ADGRL3: variants seen among roughly 807,000 people sequenced by gnomAD.
ADGRL3 encodes adhesion G protein-coupled receptor L3, also known as calcium-independent alpha-latrotoxin receptor 3.
ADGRL3 carries 62 observed loss-of-function variants against 153.5 expected under a neutral mutation model. That is an observed-to-expected ratio of 0.40 (90% CI 0.33 to 0.50). The LOEUF (loss-of-function observed/expected upper bound fraction) is 0.50, where lower values mean the gene tolerates loss of function less well. ADGRL3 is among the 20% of genes least tolerant of loss of function. ADGRL3 has a pLI of 0.47. For synonymous variants in ADGRL3, 710 were observed against 672.5 expected (o/e 1.06, Z -0.86); for missense variants, 1,641 against 1,859.4 (o/e 0.88, Z 2.16).
intron 8 of ADGRL3, among the ~76,000 whole-genome samples, chr4:61,744,811 T>C (rs866020743): frequency 7.9e-5 from 12 of 152,058 alleles, no homozygotes; most frequent in Middle Eastern, 3.4e-3. Context: ...AGAGCACCTC[T>C]CCCCCTCCAA....
intron 4 of ADGRL3, among the ~76,000 whole-genome samples, chr4:61,526,768 AATAAATAAATAC>A (rs911301086): frequency 7.2e-5 from 11 of 152,068 alleles, no homozygotes; most frequent in Non-Finnish European, 1.6e-4. Flanking sequence ...TACCTCAAAA[AATAAATAAATAC>A]ATAAATAAAT....
intron 1 of ADGRL3, among the ~76,000 whole-genome samples, chr4:61,304,418 A>G (rs1050837662): frequency 2.6e-5 from 4 of 152,216 alleles, no homozygotes; most frequent in Non-Finnish European, 4.4e-5. Flanking sequence ...TTATGCTACT[A>G]AAAAACAAGC....
rs1051137106 is a variant in ADGRL3 at position 61,294,807 on chromosome 4, C to T, written c.-239-88317C>T. Among the ~76,000 whole-genome samples the T allele has an allele frequency of 2.6e-5, 4 of 151,818 alleles. No individual in the cohort carries two copies. In the East Asian group the frequency reaches 7.7e-4, roughly 29 times the overall value. ...GGAACTGTTATTTGGATCTGTCAGCCATTGTTTAATATTAGTATTTAATAT... is the reference window on the plus strand; with the variant it reads ...GGAACTGTTATTTGGATCTGTCAGCTATTGTTTAATATTAGTATTTAATAT... On this transcript the variant is annotated intron_variant, in intron 1 of 26. Coordinates refer to ENST00000683033, the MANE Select transcript of ADGRL3 (RefSeq NM_001387552.1).
At position 61,754,954 on chromosome 4, in the gene ADGRL3, A is replaced by AT. The variant is rs551375262; in HGVS notation, c.1399+21406dup. ...TCCCTACAAAGGACATGAACTCATC[A>AT]TTTTTTATGGCTGCATAGTATTCCA... On this transcript the variant is annotated intron_variant, in intron 8 of 26. Transcript: ENST00000683033. Among the ~76,000 whole-genome samples the AT allele has an allele frequency of 7.2e-5, 11 of 152,216 alleles. No individual in the cohort carries two copies. The South Asian group carries it at 2.1e-3, about 29-fold the overall frequency.
At chr4:61,355,720 C>G (rs1257174439) in intron 1 of ADGRL3, among the ~76,000 whole-genome samples, 1 of 152,074 alleles carries the variant, frequency 6.6e-6, no homozygotes, top group Non-Finnish European at 1.5e-5. Context: ...AGTTGTTGAA[C>G]ATTTCACCTC....
chr4:61,480,187 C>T (rs2098117015), intron 2 of ADGRL3, among the ~76,000 whole-genome samples: 1 of 152,156 alleles, frequency 6.6e-6, no homozygotes, highest in Non-Finnish European at 1.5e-5. Flanking sequence ...CTCTCCATCT[C>T]CTCCTTCTCC....
At chr4:61,897,949 G>A (rs527966245) in intron 11 of ADGRL3, among the ~76,000 whole-genome samples, 2 of 152,254 alleles carry the variant, frequency 1.3e-5, no homozygotes, top group South Asian at 4.1e-4. Flanking sequence ...CCAGATCAAA[G>A]GAGTGACCAA....
chr4:61,833,553 G>A (rs955275539), intron 9 of ADGRL3, among the ~76,000 whole-genome samples: 3 of 152,050 alleles, frequency 2.0e-5, no homozygotes, highest in African/African-American at 7.2e-5. Flanking sequence ...TCAATTCCTG[G>A]GTGGGGGCCA....
Position 61,311,976 on chromosome 4 carries a change from T to C in ADGRL3, c.-239-71148T>C, listed in dbSNP as rs919330970. Among the ~76,000 whole-genome samples the C allele has an allele frequency of 3.3e-5, 5 of 152,158 alleles. No homozygotes were observed. The East Asian group carries it at 9.6e-4, about 29-fold the overall frequency. On this transcript the variant is annotated intron_variant, in intron 1 of 26. Coordinates refer to ENST00000683033, the MANE Select transcript of ADGRL3 (RefSeq NM_001387552.1). The stretch of plus-strand genomic sequence containing the variant: ...GGGATGTTAATAATGGGGGAGGCTA[T>C]GCATCTATGGGGCAGAGGGTATATG...
rs1041148904 is a variant in ADGRL3, at chr4:62,075,418, A to G, written c.*4510A>G. ...ATAATGCATGTCAATTCAGATTTAG[A>G]GAGTGTAAAAAACAAAAACCCAAAG... On this transcript the variant is annotated 3_prime_UTR_variant, in exon 27 of 27. Coordinates refer to ENST00000683033, the MANE Select transcript of ADGRL3 (RefSeq NM_001387552.1). 6.6e-6 allele frequency: 1 copy of G among 152,158 alleles called. No homozygotes were observed. The highest frequency in any genetic ancestry group is 2.4e-5 in the African/African-American group (1 of 41,454). 9.4% of individuals were successfully genotyped at this position (152,158 alleles called of 1,614,324 possible). A position where few individuals can be genotyped will look rare whatever the true frequency, so the allele number is the denominator to read the frequency against.
chr4:61,578,263 A>G (rs934246019), intron 4 of ADGRL3, among the ~76,000 whole-genome samples: 3 of 152,072 alleles, frequency 2.0e-5, no homozygotes, highest in Non-Finnish European at 2.9e-5. Flanking sequence ...ATCTTTGTCT[A>G]AGCCACGGTT....
intron 2 of ADGRL3, among the ~76,000 whole-genome samples, chr4:61,432,639 TTTC>T (rs2097381256): frequency 2.4e-5 from 2 of 83,442 alleles, no homozygotes; most frequent in Non-Finnish European, 4.9e-5. Context: ...TCTTTCTTTC[TTTC>T]TTTCTTTCTT....
chr4:61,764,156 T>C (rs981933022), intron 8 of ADGRL3, among the ~76,000 whole-genome samples: 2 of 152,172 alleles, frequency 1.3e-5, no homozygotes, highest in Non-Finnish European at 2.9e-5. Flanking sequence ...TAAATTAATT[T>C]GGTAACACTA....
At chr4:61,589,494 C>A (rs893853474) in intron 5 of ADGRL3, among the ~76,000 whole-genome samples, 1 of 150,806 alleles carries the variant, frequency 6.6e-6, no homozygotes, top group African/African-American at 2.5e-5. Context: ...ACTAATGGTA[C>A]AAACAGTTTA....
chr4:61,272,312 G>T (rs1008798009), intron 1 of ADGRL3, among the ~76,000 whole-genome samples: 1 of 151,808 alleles, frequency 6.6e-6, no homozygotes, highest in East Asian at 1.9e-4. Flanking sequence ...ATCAGTATAT[G>T]GAAGTCATCA....
chr4:61,991,027 G>A (rs1328085399), intron 19 of ADGRL3, among the ~76,000 whole-genome samples: 1 of 150,778 alleles, frequency 6.6e-6, no homozygotes, highest in Non-Finnish European at 1.5e-5. Context: ...TGTATACAAC[G>A]TGTATGTATG....
chr4:61,917,734 C>T (rs920889488), intron 13 of ADGRL3, among the ~76,000 whole-genome samples: 3 of 148,206 alleles, frequency 2.0e-5, no homozygotes, highest in Non-Finnish European at 4.4e-5. Context: ...GATATTTGAG[C>T]AAAACTCAGA....
chr4:61,836,248 C>A (rs951227784), intron 9 of ADGRL3, among the ~76,000 whole-genome samples: 22 of 152,074 alleles, frequency 1.4e-4, no homozygotes, highest in African/African-American at 5.3e-4. Flanking sequence ...ATTAAAGCTG[C>A]AACATTCTAT....
rs576471204 is a variant in ADGRL3, at chr4:61,789,021, A to G, written c.1400-24788A>G. ...TCACTTTTAAAATTAGAGAATAAGC[A>G]ACATTTTAATCAAATTTATCAAAAG... On this transcript the variant is annotated intron_variant, in intron 8 of 26. Coordinates refer to ENST00000683033, the MANE Select transcript of ADGRL3 (RefSeq NM_001387552.1). 8.1e-4 allele frequency among the ~76,000 whole-genome samples: 124 copies of G among 152,324 alleles called. 1 individual carries two copies. Among genetic ancestry groups the G allele is most frequent in the African/African-American group, 2.9e-3 (122 of 41,592 alleles).
Sources: gnomAD v4.1 joint callset for allele counts (sites outside exome capture counted in the v4.1 genomes callset) on GRCh38, gnomAD v4.1.1 for gene constraint, MANE v1.5 for transcripts, NCBI Gene and HGNC (gene_info 2026-07-23, HGNC 2026-07-21) for gene names.